Variants in MRO observed in about 807,000 individuals in gnomAD.
MRO encodes maestro, also known as protein maestro.
Under a neutral mutation model 31.0 loss-of-function variants are expected in MRO, and 28 were observed. That is an observed-to-expected ratio of 0.90 (90% CI 0.67 to 1.24). The LOEUF is 1.24. Among genes scored for constraint, MRO ranks in the 50% most tolerant of loss-of-function variants. The pLI is 0.00. For synonymous variants in MRO, 108 were observed against 108.4 expected (o/e 1.00, Z 0.02); for missense variants, 332 against 289.2 (o/e 1.15, Z -1.07).
At chr18:50,824,732 G>A (rs1392672943), upstream of MRO, among the ~76,000 whole-genome samples, 2 of 147,264 alleles carry the variant, frequency 1.4e-5, no homozygotes, top group Admixed American at 6.8e-5. Flanking sequence ...GGGATTACAG[G>A]CATGAGCCAC....
At chr18:50,816,082 G>A (rs1482844552) in intron 2 of MRO, 1 of 152,398 alleles carries the variant, frequency 6.6e-6, no homozygotes, top group Non-Finnish European at 1.5e-5. Context: ...ACAGTTCTTA[G>A]CAGGAGAAAG....
chr18:50,809,383 C>T lies in MRO; in HGVS notation c.18G>A (p.Arg6=), dbSNP rs1914269762. The part of the protein sequence containing the change: MDQRQ[R]RILGQPLSIP... ...TGGAAAGGGGCTGGCCCAGGATTCT[C>T]CTCTGTCTTTGGTCCATGGAACTAA... Residue 6 remains arginine (R), a synonymous_variant, in exon 3 of 8, where the codon AGG becomes AGA. Transcript: ENST00000398439. 1.2e-6 allele frequency: 2 copies of T among 1,613,390 alleles called. No individual in the cohort carries two copies. Among genetic ancestry groups the T allele is most frequent in the African/African-American group, 2.7e-5 (2 of 74,854 alleles).
rs530046831 is a variant in MRO at position 50,808,992 on chromosome 18, G to T, written c.99+310C>A. On this transcript the variant is annotated intron_variant, in intron 3 of 7. Coordinates refer to ENST00000398439, the MANE Select transcript of MRO (RefSeq NM_031939.6). Reference sequence around the variant, plus strand: ...CTCTACTAAAAATACAAAAAAATTAGCCGGGCGTAGTGGCGGGCGCCTGTA... The same window carrying T: ...CTCTACTAAAAATACAAAAAAATTATCCGGGCGTAGTGGCGGGCGCCTGTA... Among the ~76,000 whole-genome samples, 909 of 151,256 alleles carry T rather than the reference G, an allele frequency of 6.0e-3. 11 individuals are homozygous for T. Among genetic ancestry groups the T allele is most frequent in the African/African-American group, 0.021 (868 of 41,290 alleles).
At position 50,801,519 on chromosome 18, in the gene MRO, A is replaced by G. The variant is rs1035591795; in HGVS notation, c.430-15T>C. On this transcript the variant is annotated splice_polypyrimidine_tract_variant and intron_variant, in intron 5 of 7. Coordinates refer to ENST00000398439, the MANE Select transcript of MRO (RefSeq NM_031939.6). ...CTGTCGTTCTCCTGCGGTCCCCATC[A>G]ACAAAACAATAAGAAAGCCAGATCA... The G allele has an allele frequency of 1.3e-6, 2 of 1,572,442 alleles. No homozygotes were observed. Among genetic ancestry groups the G allele is most frequent in the Admixed American group, 1.9e-5 (1 of 52,678 alleles).
At chr18:50,822,675 T>C (rs1347794455), upstream of MRO, among the ~76,000 whole-genome samples, 1 of 152,018 alleles carries the variant, frequency 6.6e-6, no homozygotes, top group African/African-American at 2.4e-5. Flanking sequence ...TCATCTTCTT[T>C]CAGGAAATAC....
chr18:50,810,810 A>G (rs1009794159), intron 2 of MRO, among the ~76,000 whole-genome samples: 3 of 152,186 alleles, frequency 2.0e-5, no homozygotes, highest in African/African-American at 7.2e-5. Context: ...GATTCCAAAC[A>G]GGGACTATGC....
Position 50,807,258 on chromosome 18 carries a change from A to G in MRO, c.100-408T>C, listed in dbSNP as rs1484773548. On this transcript the variant is annotated intron_variant, in intron 3 of 7. Coordinates refer to ENST00000398439, the MANE Select transcript of MRO (RefSeq NM_031939.6). ...ACCCCTTCTTCTCCAGCTCTTTCCC[A>G]TTTTTCTGCTCTCCTTTGTAGCCAA... 1.2e-4 allele frequency among the ~76,000 whole-genome samples: 18 copies of G among 151,986 alleles called. 1 individual carries two copies. The highest frequency in any genetic ancestry group is 1.2e-3 in the Admixed American group (18 of 15,260).
chr18:50,822,303 T>TG (rs1259895959), upstream of MRO, among the ~76,000 whole-genome samples: 47,762 of 151,452 alleles, frequency 0.32, 7,822 homozygotes, highest in Non-Finnish European at 0.36. Flanking sequence ...TACATGTGTA[T>TG]TACAATGTGT....
chr18:50,803,558 T>A (rs1913620044), intron 5 of MRO, among the ~76,000 whole-genome samples: 1 of 151,750 alleles, frequency 6.6e-6, no homozygotes, highest in South Asian at 2.1e-4. Context: ...GAAGTTCAGA[T>A]GGCTCCTCCA....
At chr18:50,813,965 C>T (rs1385834938) in intron 2 of MRO, among the ~76,000 whole-genome samples, 1 of 152,144 alleles carries the variant, frequency 6.6e-6, no homozygotes, top group Non-Finnish European at 1.5e-5. Flanking sequence ...ATAACAAACC[C>T]ACACATGTAC....
upstream of MRO, among the ~76,000 whole-genome samples, chr18:50,822,291 A>AAATGGT (rs1234082111): frequency 1.3e-5 from 2 of 151,790 alleles, no homozygotes; most frequent in South Asian, 2.1e-4. Flanking sequence ...TTGTATGTGA[A>AAATGGT]TTACATGTGT....
intron 1 of MRO, chr18:50,825,236 G>C (rs905579387): frequency 2.0e-5 from 3 of 152,146 alleles, no homozygotes; most frequent in African/African-American, 7.2e-5. Flanking sequence ...GTCTATAGCA[G>C]TCTATCAACT....
At chr18:50,812,770 T>C (rs1283650855) in intron 2 of MRO, among the ~76,000 whole-genome samples, 2 of 152,174 alleles carry the variant, frequency 1.3e-5, no homozygotes, top group Admixed American at 6.5e-5. Flanking sequence ...ATAGGAGAGA[T>C]GGCAGGCAAG....
In MRO at chr18:50,803,861, G is replaced by A. The variant is rs529471262; in HGVS notation, c.429+1293C>T. On this transcript the variant is annotated intron_variant, in intron 5 of 7. Transcript: ENST00000398439. ...CAAATCTCTCTGGGAGTAAATAAAC[G>A]GTCTGTTCGCTGTTCTGTAGGTCTT... Among the ~76,000 whole-genome samples, 12 of 152,336 alleles carry A rather than the reference G, an allele frequency of 7.9e-5. No homozygotes were observed. The South Asian group carries it at 2.1e-3, about 26-fold the overall frequency.
At chr18:50,805,085 C>T in intron 5 of MRO, 69 bp downstream of exon 5, 1 of 1,379,080 alleles carries the variant, frequency 7.3e-7, no homozygotes. Flanking sequence ...GCCACCGCAC[C>T]CGGCCCCACA....
intron 6 of MRO, 128 bp downstream of exon 6, chr18:50,801,221 C>T: frequency 1.3e-6 from 1 of 779,438 alleles, no homozygotes; most frequent in Non-Finnish European, 2.0e-6. Context: ...CAAGGATGCA[C>T]ACAGAAACGC....
At chr18:50,822,560 A>C (rs942292820), upstream of MRO, among the ~76,000 whole-genome samples, 3 of 151,658 alleles carry the variant, frequency 2.0e-5, no homozygotes, top group African/African-American at 7.3e-5. Flanking sequence ...CTGGTCTCCA[A>C]CTCCTGACCT....
In MRO at chr18:50,811,902, T is replaced by C. The variant is rs569586257; in HGVS notation, c.-4-2498A>G. On this transcript the variant is annotated intron_variant, in intron 2 of 7. Coordinates refer to ENST00000398439, the MANE Select transcript of MRO (RefSeq NM_031939.6). ...GATTACAGGCGTACGCCACCATGCC[T>C]GGATAATTTTTGTATTTTTAGTAGA... Among the ~76,000 whole-genome samples, 68 of 152,050 alleles carry C rather than the reference T, an allele frequency of 4.5e-4. 1 individual carries two copies. Among genetic ancestry groups the C allele is most frequent in the Non-Finnish European group, 7.8e-4 (53 of 67,972 alleles).
At chr18:50,811,658 A>G (rs964581083) in intron 2 of MRO, among the ~76,000 whole-genome samples, 1 of 151,156 alleles carries the variant, frequency 6.6e-6, no homozygotes, top group African/African-American at 2.4e-5. Context: ...TAATGCTACT[A>G]TGAATATCTG....
Sources: allele counts gnomAD v4.1 joint callset (sites outside exome capture counted in the v4.1 genomes callset), GRCh38; gene constraint gnomAD v4.1.1; transcripts MANE v1.5; gene names NCBI Gene and HGNC (gene_info 2026-07-23, HGNC 2026-07-21).